The following OBP2A variants were observed in gnomAD, a reference collection of about 807,000 sequenced individuals.
OBP2A encodes odorant-binding protein 2a.
A neutral mutation model predicts 21.9 loss-of-function variants in OBP2A; 15 were observed. The ratio of observed to expected loss-of-function variants is 0.69; its 90% confidence interval spans 0.46 to 1.06. The LOEUF (loss-of-function observed/expected upper bound fraction) is 1.06, where lower values mean the gene tolerates loss of function less well. Ranked by LOEUF, OBP2A falls within the 50% of genes least tolerant of loss-of-function variation. The pLI is 0.00. For synonymous variants in OBP2A, 86 were observed against 91.8 expected, an observed-to-expected ratio of 0.94 and a Z score of 0.36; for missense variants, 192 against 220.1, an observed-to-expected ratio of 0.87 and a Z score of 0.81.
chr9:135,547,506 C>T (rs981643344), intron 3 of OBP2A, among the ~76,000 whole-genome samples: 10 of 152,320 alleles, frequency 6.6e-5, no homozygotes, highest in African/African-American at 1.9e-4. Context: ...TTGAGGAATC[C>T]GAGTGTTAGG....
At chr9:135,548,682 G>A (rs1376061222) in intron 4 of OBP2A, 26 bp from the exon 5 acceptor site, 8 of 1,613,604 alleles carry the variant, frequency 5.0e-6, no homozygotes, top group South Asian at 2.2e-5. Flanking sequence ...TCCCCACCTT[G>A]GCTCACCTGG....
intron 4 of OBP2A, among the ~76,000 whole-genome samples, chr9:135,548,198 C>T (rs771180529): frequency 3.9e-5 from 6 of 152,172 alleles, no homozygotes; most frequent in African/African-American, 1.2e-4. Flanking sequence ...CCCTCGGTGA[C>T]ATGAACCTGC....
At chr9:135,548,418 A>AGAGT (rs201703427) in intron 4 of OBP2A, among the ~76,000 whole-genome samples, 31,679 of 151,176 alleles carry the variant, frequency 0.21, 3,631 homozygotes, top group Non-Finnish European at 0.26. Context: ...AGTGGCTTGG[A>AGAGT]CCCTGCCACT....
chr9:135,549,920 C>G lies in OBP2A; in HGVS notation c.*85C>G. ...ACCTGGACCTACCCTCCAGCCATGACCCTTCCCTGCTCCCACCCACCTGAC... is the reference window on the plus strand; with the variant it reads ...ACCTGGACCTACCCTCCAGCCATGAGCCTTCCCTGCTCCCACCCACCTGAC... On this transcript the variant is annotated 3_prime_UTR_variant, in exon 7 of 7. Coordinates refer to ENST00000371776, the MANE Select transcript of OBP2A (RefSeq NM_014582.3). 6.5e-7 allele frequency: 1 copy of G among 1,545,724 alleles called. No homozygotes were observed. Among genetic ancestry groups the G allele is most frequent in the South Asian group, 1.2e-5 (1 of 83,408 alleles).
In OBP2A at chr9:135,546,788, C is replaced by A. The variant is rs1024017942; in HGVS notation, c.83C>A (p.Thr28Asn). ...CTTGGCCTGCTCCAGATCACAGGGA[C>A]CTGGTACGTGAAGGCCATGGTGGTC... ...FTLEEEDITG[T>N]WYVKAMVVDK... The change falls in exon 2 of 7, where the codon ACC (threonine) becomes AAC (asparagine). Residue 28 changes from threonine to asparagine, a missense_variant. By Grantham distance (65) the Thr-to-Asn change is moderately conservative (BLOSUM62 0). Transcript: ENST00000371776. 4 of 1,611,124 alleles carry A rather than the reference C, an allele frequency of 2.5e-6. No homozygotes were observed. The highest frequency in any genetic ancestry group is 3.4e-6 in the Non-Finnish European group (4 of 1,178,342).
chr9:135,548,305 C>T (rs1403134916), intron 4 of OBP2A, among the ~76,000 whole-genome samples: 9 of 152,096 alleles, frequency 5.9e-5, no homozygotes, highest in East Asian at 1.9e-4. Flanking sequence ...CTCTCCAGGG[C>T]GGCAGGGCAG....
chr9:135,548,002 T>A, intron 4 of OBP2A, 21 bp downstream of exon 4: 1 of 1,514,000 alleles, frequency 6.6e-7, no homozygotes, highest in Non-Finnish European at 9.1e-7. Context: ...CGCTGGGGCC[T>A]GCATGTCCTG....
chr9:135,546,707 A>G (rs1831941749), intron 1 of OBP2A, 71 bp from the exon 2 acceptor site: 2 of 1,537,294 alleles, frequency 1.3e-6, no homozygotes, highest in Admixed American at 3.9e-5. Context: ...TTATAGCTGC[A>G]GGCCTGAGTG....
intron 5 of OBP2A, 73 bp from the exon 6 acceptor site, chr9:135,549,235 C>T (rs2590502): frequency 0.6 from 358,801 of 596,926 alleles, 147,868 homozygotes; most frequent in East Asian, 0.98. Context: ...GGCTCTGAGC[C>T]CTGGGCTGCG....
rs374621141 is a variant in OBP2A at position 135,549,351 on chromosome 9, G to A, written c.*1+20G>A. Reference sequence around the variant, plus strand: ...ACTAGGGTGAGTGAGCCTTTAGGAGGGCACTGGACAAGCCCAGAGTCCTGG... The same window carrying A: ...ACTAGGGTGAGTGAGCCTTTAGGAGAGCACTGGACAAGCCCAGAGTCCTGG... On this transcript the variant is annotated intron_variant, in intron 6 of 6. Coordinates refer to ENST00000371776, the MANE Select transcript of OBP2A (RefSeq NM_014582.3). The A allele has an allele frequency of 2.2e-4, 326 of 1,493,304 alleles. 55 individuals are homozygous for A. The African/African-American group carries it at 4.7e-3, about 22-fold the overall frequency. 92.5% of individuals were successfully genotyped at this position (1,493,304 alleles called of 1,614,324 possible).
rs569394357 is a variant in OBP2A, at chr9:135,548,919, G to A, written c.490+110G>A. On this transcript the variant is annotated intron_variant, in intron 5 of 6. Coordinates refer to ENST00000371776, the MANE Select transcript of OBP2A (RefSeq NM_014582.3). ...GTCCCCCGCATTCCCCGTGTGCCCC[G>A]AGTCTCCTCGCAGGGGCTCTGGGCC... The A allele has an allele frequency of 3.8e-5, 45 of 1,194,506 alleles. 3 individuals carry two copies. Among genetic ancestry groups the A allele is most frequent in the African/African-American group, 2.7e-4 (18 of 66,706 alleles). The allele number at this position is 1,194,506 out of a possible 1,614,324, so 74.0% of individuals were successfully genotyped here.
chr9:135,548,509 C>T (rs1239441253), intron 4 of OBP2A, 199 bp from the exon 5 acceptor site: 5 of 689,552 alleles, frequency 7.3e-6, no homozygotes, highest in Middle Eastern at 4.0e-4. Flanking sequence ...CTTGTCCATT[C>T]TCAGGCCTCC....
intron 6 of OBP2A, 37 bp downstream of exon 6, chr9:135,549,368 G>A: frequency 6.8e-7 from 1 of 1,470,782 alleles, no homozygotes; most frequent in Non-Finnish European, 9.3e-7. Flanking sequence ...GACAAGCCCA[G>A]AGTCCTGGGT....
chr9:135,548,084 C>T, intron 4 of OBP2A, 103 bp downstream of exon 4: 1 of 806,526 alleles, frequency 1.2e-6, no homozygotes, highest in South Asian at 1.9e-5. Flanking sequence ...GAAAAGGAAG[C>T]CCCCTGCGCC....
At position 135,547,880 on chromosome 9, in the gene OBP2A, G is replaced by A. The variant is rs147866627; in HGVS notation, c.287G>A (p.Arg96Lys). The A allele has an allele frequency of 3.0e-5, 48 of 1,609,974 alleles. No individual in the cohort carries two copies. The highest frequency in any genetic ancestry group is 4.0e-5 in the African/African-American group (3 of 74,750). Residue 96 changes from arginine (R) to lysine (K), a missense_variant, in exon 4 of 7, where the codon AGG becomes AAG. Physicochemically the swap from Arg to Lys is conservative, Grantham distance 26. Transcript: ENST00000371776. Reference protein sequence around the residue: ...EPGKFSAYGGRKLIYLQELPG... With the variant: ...EPGKFSAYGGKKLIYLQELPG... The stretch of plus-strand genomic sequence containing the variant: ...TCTCTGTCATCTACAGATGGGGGCA[G>A]GAAGCTCATATACCTGCAGGAGCTG...
chr9:135,548,221 G>C (rs72766548), intron 4 of OBP2A, among the ~76,000 whole-genome samples: 29,834 of 152,200 alleles, frequency 0.2, 3,416 homozygotes, highest in Non-Finnish European at 0.26. Flanking sequence ...AGGGCCGCTT[G>C]TGGGGTCTCA....
At chr9:135,547,619 A>G (rs1385914256) in intron 3 of OBP2A, among the ~76,000 whole-genome samples, 1 of 152,156 alleles carries the variant, frequency 6.6e-6, no homozygotes, top group Non-Finnish European at 1.5e-5. Flanking sequence ...CAGCTGCTGG[A>G]GCTGGGAAGG....
rs1564239071 is a variant in OBP2A at position 135,547,256 on chromosome 9, C to T, written c.277+8C>T. 7.4e-6 allele frequency: 12 copies of T among 1,613,584 alleles called. No individual in the cohort carries two copies. Among genetic ancestry groups the T allele is most frequent in the Non-Finnish European group, 9.3e-6 (11 of 1,179,950 alleles). ...CTGGCAAATTCAGCGCCTGTGAGCC[C>T]CTCCCCGACCCCCCACTCCCCATGC... is the stretch of plus-strand genomic sequence containing the variant. On this transcript the variant is annotated splice_region_variant and intron_variant, in intron 3 of 6. Coordinates refer to ENST00000371776, the MANE Select transcript of OBP2A (RefSeq NM_014582.3).
intron 2 of OBP2A, 28 bp downstream of exon 2, chr9:135,546,939 C>G (rs1831951837): frequency 6.2e-7 from 1 of 1,610,460 alleles, no homozygotes; most frequent in African/African-American, 1.3e-5. Flanking sequence ...CAGGGCCCCT[C>G]AGGCCACTTT....
Sources: allele counts gnomAD v4.1 joint callset (sites outside exome capture counted in the v4.1 genomes callset), GRCh38; gene constraint gnomAD v4.1.1; transcripts MANE v1.5; gene names NCBI Gene and HGNC (gene_info 2026-07-23, HGNC 2026-07-21).